SH2D4B: variants seen among roughly 807,000 people sequenced by gnomAD.
SH2D4B encodes SH2 domain-containing protein 4B.
In SH2D4B, 45 loss-of-function variants were observed where a neutral mutation model predicts 61.5. The observed-to-expected ratio is 0.73, with a 90% CI of 0.58 to 0.94. SH2D4B has a LOEUF of 0.94. Ranked by LOEUF, SH2D4B falls within the 40% of genes least tolerant of loss-of-function variation. The pLI is 0.00. For missense variants in SH2D4B, 572 were observed against 574.2 expected, an observed-to-expected ratio of 1.00 and a Z score of 0.04; for synonymous variants, 224 against 220.4, an observed-to-expected ratio of 1.02 and a Z score of -0.14.
intron 7 of SH2D4B, among the ~76,000 whole-genome samples, chr10:80,641,688 C>A (rs1300084134): frequency 6.6e-6 from 1 of 152,252 alleles, no homozygotes; most frequent in Non-Finnish European, 1.5e-5. Context: ...AGCTCCTTGT[C>A]CCTGGAAGTG....
intron 3 of SH2D4B, among the ~76,000 whole-genome samples, chr10:80,587,550 A>T (rs551986941): frequency 6.6e-6 from 1 of 150,476 alleles, no homozygotes; most frequent in South Asian, 2.1e-4. Flanking sequence ...GAGTGCTGGG[A>T]TTACACGCGT....
intron 1 of SH2D4B, among the ~76,000 whole-genome samples, chr10:80,568,545 C>T (rs1244616185): frequency 2.0e-5 from 3 of 152,328 alleles, no homozygotes; most frequent in Admixed American, 6.5e-5. Flanking sequence ...GGACGGAGCA[C>T]ATCCTCATGG....
At chr10:80,589,294 A>T (rs750856743) in intron 4 of SH2D4B, among the ~76,000 whole-genome samples, 4 of 151,630 alleles carry the variant, frequency 2.6e-5, no homozygotes, top group Non-Finnish European at 4.4e-5. Flanking sequence ...GTGAGCCACC[A>T]CTCCCAGCTG....
At chr10:80,560,074 G>A (rs1029916659) in intron 1 of SH2D4B, among the ~76,000 whole-genome samples, 5 of 133,758 alleles carry the variant, frequency 3.7e-5, no homozygotes, top group East Asian at 2.5e-4. Flanking sequence ...TTCAAGCTCC[G>A]CCTCCCAGGT....
At chr10:80,625,540 A>G (rs953894822) in intron 6 of SH2D4B, among the ~76,000 whole-genome samples, 4 of 146,910 alleles carry the variant, frequency 2.7e-5, no homozygotes, top group Non-Finnish European at 4.5e-5. Context: ...CTTGTTTTTT[A>G]TTCATTTTTG....
chr10:80,543,583 G>A (rs929070129), intron 1 of SH2D4B, among the ~76,000 whole-genome samples: 12 of 152,254 alleles, frequency 7.9e-5, no homozygotes, highest in Non-Finnish European at 1.6e-4. Context: ...TACCACTCAA[G>A]GGCTGAGGAG....
rs115004665 is a variant in SH2D4B at position 80,602,928 on chromosome 10, T to G, written c.644-651T>G. Among the ~76,000 whole-genome samples the G allele has an allele frequency of 4.9e-3, 751 of 152,306 alleles. 2 individuals carry two copies. Among genetic ancestry groups the G allele is most frequent in the African/African-American group, 0.016 (677 of 41,548 alleles). The stretch of plus-strand genomic sequence containing the variant: ...TGTGGGTTTTAGAGCCAGGCACACC[T>G]GGGTTTCTGTCCAGGCTCTGCTCCT... On this transcript the variant is annotated intron_variant, in intron 4 of 7. Coordinates refer to ENST00000646907, the MANE Select transcript of SH2D4B (RefSeq NM_001388272.1).
intron 3 of SH2D4B, among the ~76,000 whole-genome samples, chr10:80,587,855 G>C (rs1304899000): frequency 6.6e-6 from 1 of 152,144 alleles, no homozygotes; most frequent in African/African-American, 2.4e-5. Flanking sequence ...TTGGTTTTCT[G>C]TTTCTGTGTA....
At chr10:80,642,341 A>G (rs1340742424) in intron 7 of SH2D4B, among the ~76,000 whole-genome samples, 1 of 152,226 alleles carries the variant, frequency 6.6e-6, no homozygotes, top group Non-Finnish European at 1.5e-5. Flanking sequence ...TTTAAAAAGC[A>G]TGGTCCCTAG....
At chr10:80,635,615 AG>A (rs1842888953) in intron 7 of SH2D4B, among the ~76,000 whole-genome samples, 1 of 152,194 alleles carries the variant, frequency 6.6e-6, no homozygotes, top group South Asian at 2.1e-4. Context: ...TGGACTAACC[AG>A]GATCAAGGTT....
At chr10:80,541,945 G>T (rs1413010586) in intron 1 of SH2D4B, among the ~76,000 whole-genome samples, 1 of 152,160 alleles carries the variant, frequency 6.6e-6, no homozygotes, top group Non-Finnish European at 1.5e-5. Flanking sequence ...TTTCTTTTCT[G>T]TTTTCACTTT....
At chr10:80,626,145 C>T (rs1483921552) in intron 6 of SH2D4B, among the ~76,000 whole-genome samples, 1 of 148,030 alleles carries the variant, frequency 6.8e-6, no homozygotes, top group African/African-American at 2.4e-5. Context: ...GATTTTCTAT[C>T]CAGGATAATT....
chr10:80,587,643 G>A (rs918222278), intron 3 of SH2D4B, among the ~76,000 whole-genome samples: 1 of 152,066 alleles, frequency 6.6e-6, no homozygotes, highest in Non-Finnish European at 1.5e-5. Context: ...TGTTACAAGG[G>A]TATATTGTGT....
intron 6 of SH2D4B, among the ~76,000 whole-genome samples, chr10:80,612,653 G>A (rs571271227): frequency 6.6e-6 from 1 of 152,154 alleles, no homozygotes; most frequent in African/African-American, 2.4e-5. Context: ...TATGTCAAAG[G>A]GTGTGGCAAC....
At chr10:80,614,502 T>A (rs1842637792) in intron 6 of SH2D4B, among the ~76,000 whole-genome samples, 1 of 152,208 alleles carries the variant, frequency 6.6e-6, no homozygotes, top group Non-Finnish European at 1.5e-5. Context: ...GAGATTTGGG[T>A]GGGACAAATA....
intron 1 of SH2D4B, among the ~76,000 whole-genome samples, chr10:80,568,592 G>A (rs1191533369): frequency 6.6e-6 from 1 of 152,196 alleles, no homozygotes; most frequent in Non-Finnish European, 1.5e-5. Context: ...ACCTGCAGGT[G>A]CTGTGTGCCC....
chr10:80,542,262 T>G (rs988946778), intron 1 of SH2D4B, among the ~76,000 whole-genome samples: 3 of 152,074 alleles, frequency 2.0e-5, no homozygotes, highest in Non-Finnish European at 2.9e-5. Flanking sequence ...CACAACCCTG[T>G]GGACTCCTCT....
intron 1 of SH2D4B, among the ~76,000 whole-genome samples, chr10:80,546,046 CTTTTTTTTTT>C (rs577179576): frequency 1.5e-5 from 2 of 130,426 alleles, no homozygotes; most frequent in Non-Finnish European, 3.3e-5. Flanking sequence ...CTCTCTCTTT[CTTTTTTTTTT>C]TTTTTTTAGA....
intron 4 of SH2D4B, among the ~76,000 whole-genome samples, chr10:80,590,079 C>T (rs2132131186): frequency 6.6e-6 from 1 of 152,208 alleles, no homozygotes; most frequent in South Asian, 2.1e-4. Context: ...CATGCAGGGC[C>T]ACATGGGGAA....
Sources: gnomAD v4.1 joint callset for allele counts (sites outside exome capture counted in the v4.1 genomes callset) on GRCh38, gnomAD v4.1.1 for gene constraint, MANE v1.5 for transcripts, NCBI Gene and HGNC (gene_info 2026-07-23, HGNC 2026-07-21) for gene names.